RTN4: variants seen among roughly 807,000 people sequenced by gnomAD.
The protein encoded by RTN4 is reticulon-4.
In RTN4, 32 loss-of-function variants were observed where a neutral mutation model predicts 90.4. That is an observed-to-expected ratio of 0.35 (90% CI 0.27 to 0.48). The LOEUF (loss-of-function observed/expected upper bound fraction) is 0.48, where lower values mean the gene tolerates loss of function less well. RTN4 is among the 20% of genes least tolerant of loss of function. The probability of loss-of-function intolerance (pLI) is 0.99; values close to 1 mark genes in which losing one functional copy is unlikely to be tolerated. For synonymous variants in RTN4, 629 were observed against 552.5 expected (o/e 1.14, Z -1.94); for missense variants, 1,706 against 1,430.2 (o/e 1.19, Z -3.11).
chr2:55,126,914 G>A, the RTN4 span, among the ~76,000 whole-genome samples: 3 of 152,080 alleles, frequency 2.0e-5, no homozygotes, highest in Non-Finnish European at 4.4e-5. Context: ...ATGCAGGAAC[G>A]GAAACCCAAA....
chr2:55,067,681 C>G (rs1433051408), intron 2 of RTN4, among the ~76,000 whole-genome samples: 1 of 152,164 alleles, frequency 6.6e-6, no homozygotes, highest in Non-Finnish European at 1.5e-5. Context: ...TCCCAAAGTG[C>G]TGGGATTACA....
In RTN4 at chr2:54,982,874, C is replaced by T. The variant is rs1167741916; in HGVS notation, c.3222-221G>A. ...AAAAAGCATACACTTTGAAGCCAGA[C>T]TGATCTGGGCTTGAATCTGATGCTC... On this transcript the variant is annotated intron_variant, in intron 4 of 8. Transcript: ENST00000337526. Among the ~76,000 whole-genome samples the T allele has an allele frequency of 2.6e-5, 4 of 152,166 alleles. No homozygotes were observed. In the East Asian group the frequency reaches 7.7e-4, roughly 29 times the overall value.
At chr2:55,044,802 A>AAAAAAAAAAAAAAAC (rs1683310156) in intron 1 of RTN4, among the ~76,000 whole-genome samples, 1 of 150,430 alleles carries the variant, frequency 6.6e-6, no homozygotes, top group African/African-American at 2.4e-5. Context: ...AAAAAAAAAA[A>AAAAAAAAAAAAAAAC]AAAAAAAAGA....
At chr2:55,111,965 C>A (rs1332442035) in intron 1 of RTN4, among the ~76,000 whole-genome samples, 2 of 152,146 alleles carry the variant, frequency 1.3e-5, no homozygotes, top group Admixed American at 1.3e-4. Context: ...GCTTCAACCA[C>A]CAGAAGCAGT....
Position 55,025,850 on chromosome 2 carries a change from T to C in RTN4, c.2249A>G (p.Asp750Gly). 4 of 1,613,804 alleles carry C rather than the reference T, an allele frequency of 2.5e-6. No individual in the cohort carries two copies. Among genetic ancestry groups the C allele is most frequent in the Non-Finnish European group, 3.4e-6 (4 of 1,179,840 alleles). ...PDSEPVDLFS[D>G]DSIPDVPQKQ... ...TTGTGGAACGTCAGGTATTGAATCA[T>C]CACTAAATAAGTCAACTGGTTCAGA... The change falls in exon 3 of 9, where the codon GAT becomes GGT. Residue 750 changes from aspartate (D) to glycine (G), a missense_variant. Transcript: ENST00000337526.
intron 2 of RTN4, among the ~76,000 whole-genome samples, chr2:55,068,192 C>T (rs993338366): frequency 1.3e-5 from 2 of 152,144 alleles, no homozygotes; most frequent in African/African-American, 4.8e-5. Flanking sequence ...GTAGTAGTTT[C>T]TTAAAGGTGA....
chr2:55,028,314 T>C, intron 1 of RTN4, 94 bp from the exon 2 acceptor site: 1 of 1,111,534 alleles, frequency 9.0e-7, no homozygotes, highest in Non-Finnish European at 1.3e-6. Flanking sequence ...CAGTTTGTAA[T>C]AAGTTAACAA....
chr2:55,020,421 G>A (rs199709625), intron 3 of RTN4, among the ~76,000 whole-genome samples: 7 of 147,030 alleles, frequency 4.8e-5, no homozygotes, highest in East Asian at 4.0e-4. Flanking sequence ...TCAATTTTTG[G>A]AAAAAAAAAA....
At chr2:55,113,589 G>A (rs55911307), upstream of RTN4, among the ~76,000 whole-genome samples, 3,905 of 152,226 alleles carry the variant, frequency 0.026, 162 homozygotes, top group African/African-American at 0.089. Context: ...ATGGATTTCC[G>A]TCCAGCAAGT....
At chr2:54,984,761 G>T (rs1678414236) in intron 4 of RTN4, among the ~76,000 whole-genome samples, 1 of 152,126 alleles carries the variant, frequency 6.6e-6, no homozygotes, top group African/African-American at 2.4e-5. Context: ...GCTTAAACTG[G>T]TATGTTGGCT....
intron 1 of RTN4, among the ~76,000 whole-genome samples, chr2:55,097,994 C>T (rs923352386): frequency 2.0e-5 from 3 of 152,080 alleles, no homozygotes; most frequent in Non-Finnish European, 4.4e-5. Context: ...GTGCCCTTCC[C>T]CCAATCTCTT....
chr2:54,992,359 C>A (rs761710862), intron 3 of RTN4, among the ~76,000 whole-genome samples: 64 of 152,192 alleles, frequency 4.2e-4, no homozygotes, highest in Admixed American at 3.4e-3. Context: ...AAATGTTATA[C>A]GTGTGCATGC....
chr2:55,053,782 C>T (rs1668142493), upstream of RTN4, among the ~76,000 whole-genome samples: 1 of 152,098 alleles, frequency 6.6e-6, no homozygotes, highest in African/African-American at 2.4e-5. Context: ...AGTAGCTGTT[C>T]TCTCTGAGAA....
At chr2:54,974,658 C>T (rs1211373457) in intron 6 of RTN4, 37 bp downstream of exon 6, 1 of 1,465,378 alleles carries the variant, frequency 6.8e-7, no homozygotes, top group South Asian at 1.1e-5. Context: ...CACAATCTTT[C>T]CAGCAATTTT....
At chr2:55,113,251 G>T (rs556873730), upstream of RTN4, among the ~76,000 whole-genome samples, 1 of 152,348 alleles carries the variant, frequency 6.6e-6, no homozygotes, top group African/African-American at 2.4e-5. Flanking sequence ...GTGGGAAAAG[G>T]TGTATTCTCT....
At chr2:55,132,146 G>A in the RTN4 span, among the ~76,000 whole-genome samples, 1 of 152,178 alleles carries the variant, frequency 6.6e-6, no homozygotes, top group Admixed American at 6.5e-5. Context: ...TACGTTAATT[G>A]CTGAAGCTGG....
chr2:55,117,351 G>A (rs1187597090), upstream of RTN4, among the ~76,000 whole-genome samples: 1 of 152,086 alleles, frequency 6.6e-6, no homozygotes, highest in Non-Finnish European at 1.5e-5. Flanking sequence ...TCCCTTCAAT[G>A]AGCAGCCTCT....
intron 1 of RTN4, among the ~76,000 whole-genome samples, chr2:55,089,406 T>C (rs967930277): frequency 2.6e-5 from 4 of 151,992 alleles, no homozygotes; most frequent in African/African-American, 9.7e-5. Flanking sequence ...TAGAGCAGGG[T>C]CTCTGTTCTG....
upstream of RTN4, among the ~76,000 whole-genome samples, chr2:55,051,552 CT>C (rs1166669292): frequency 2.0e-5 from 3 of 152,128 alleles, no homozygotes; most frequent in Non-Finnish European, 2.9e-5. Flanking sequence ...TCTGATTTAC[CT>C]TTCAAAAATA....
Sources: allele counts gnomAD v4.1 joint callset (sites outside exome capture counted in the v4.1 genomes callset), GRCh38; gene constraint gnomAD v4.1.1; transcripts MANE v1.5; gene names NCBI Gene and HGNC (gene_info 2026-07-23, HGNC 2026-07-21).